LEKR1: variants seen among roughly 807,000 people sequenced by gnomAD.
LEKR1 encodes the protein leucine, glutamate and lysine rich 1, also known as protein LEKR1.
In LEKR1, 59 loss-of-function variants were observed where a neutral mutation model predicts 72.4. The observed-to-expected ratio is 0.82, with a 90% CI of 0.66 to 1.01. The LOEUF (loss-of-function observed/expected upper bound fraction) is 1.01. Among genes scored for constraint, LEKR1 ranks in the 50% least tolerant of loss-of-function variants. LEKR1 has a pLI of 0.00. For missense variants in LEKR1, 728 were observed against 759.2 expected (o/e 0.96, Z 0.48); for synonymous variants, 257 against 263.2 (o/e 0.98, Z 0.23).
chr3:157,038,665 CTAAA>C (rs1735133053), intron 12 of LEKR1, among the ~76,000 whole-genome samples: 1 of 152,144 alleles, frequency 6.6e-6, no homozygotes, highest in African/African-American at 2.4e-5. Flanking sequence ...ATCAAGGACT[CTAAA>C]GAAAGACTGT....
chr3:156,862,215 A>G (rs1716844838), intron 3 of LEKR1, among the ~76,000 whole-genome samples: 1 of 151,982 alleles, frequency 6.6e-6, no homozygotes, highest in Admixed American at 6.6e-5. Flanking sequence ...TGTCTTTTTA[A>G]GGCATTCTTT....
chr3:156,979,118 G>T, intron 6 of LEKR1, 76 bp from the exon 7 acceptor site: 1 of 647,306 alleles, frequency 1.5e-6, no homozygotes, highest in South Asian at 1.5e-5. Flanking sequence ...AGCAACAAAA[G>T]AATATGGTTT....
intron 12 of LEKR1, 45 bp from the exon 13 acceptor site, chr3:157,045,295 T>C (rs1437898744): frequency 6.7e-7 from 1 of 1,502,256 alleles, no homozygotes; most frequent in East Asian, 2.3e-5. Context: ...CTTATGTACA[T>C]TGTTTAAAGC....
intron 9 of LEKR1, among the ~76,000 whole-genome samples, chr3:157,003,023 T>C (rs1249184217): frequency 2.6e-5 from 4 of 152,202 alleles, no homozygotes; most frequent in African/African-American, 9.6e-5. Flanking sequence ...AAATATTCAG[T>C]ACCATCTACT....
At chr3:156,942,457 CT>C (rs1726295656) in intron 5 of LEKR1, 71 bp from the exon 6 acceptor site, 2 of 460,322 alleles carry the variant, frequency 4.3e-6, no homozygotes, top group South Asian at 4.3e-5. Flanking sequence ...CTAAAAGAAA[CT>C]AATCAATCTT....
chr3:156,982,856 TA>T (rs776423996), intron 7 of LEKR1, among the ~76,000 whole-genome samples: 3,964 of 40,506 alleles, frequency 0.098, 52 homozygotes, highest in Non-Finnish European at 0.12. Flanking sequence ...TGTGTGTGTG[TA>T]GATAGATAGA....
chr3:156,863,089 T>G (rs1204590295), intron 3 of LEKR1, among the ~76,000 whole-genome samples: 1 of 152,084 alleles, frequency 6.6e-6, no homozygotes, highest in Non-Finnish European at 1.5e-5. Flanking sequence ...CTCATAGCCT[T>G]TTTGTAGGAG....
At chr3:156,869,569 GT>G (rs573746949) in intron 3 of LEKR1, among the ~76,000 whole-genome samples, 15 of 150,252 alleles carry the variant, frequency 1.0e-4, no homozygotes, top group African/African-American at 1.7e-4. Context: ...ACTGCTAAGG[GT>G]TTTTTTTTCT....
chr3:156,899,309 C>T (rs1006470412), intron 3 of LEKR1, among the ~76,000 whole-genome samples: 1 of 143,238 alleles, frequency 7.0e-6, no homozygotes, highest in African/African-American at 2.6e-5. Flanking sequence ...TATATACATA[C>T]ACACATGTAT....
chr3:156,937,453 CA>C (rs1403314190), intron 5 of LEKR1, among the ~76,000 whole-genome samples: 1 of 152,038 alleles, frequency 6.6e-6, no homozygotes, highest in East Asian at 1.9e-4. Context: ...GAGCAAAATG[CA>C]AAACCACAAT....
chr3:156,894,520 T>A (rs1720984789), intron 3 of LEKR1, among the ~76,000 whole-genome samples: 1 of 152,184 alleles, frequency 6.6e-6, no homozygotes, highest in Non-Finnish European at 1.5e-5. Context: ...GTGATATTTT[T>A]CATAGAATTA....
At chr3:156,968,096 G>A (rs1728799777) in intron 6 of LEKR1, among the ~76,000 whole-genome samples, 1 of 152,054 alleles carries the variant, frequency 6.6e-6, no homozygotes, top group Admixed American at 6.5e-5. Context: ...GTCACCACCA[G>A]GCCTGCCCTA....
chr3:157,036,807 A>T (rs1191685560), intron 12 of LEKR1, among the ~76,000 whole-genome samples: 1 of 152,136 alleles, frequency 6.6e-6, no homozygotes, highest in African/African-American at 2.4e-5. Flanking sequence ...GTCTCCAAGA[A>T]CAAAGAGAAG....
intron 5 of LEKR1, among the ~76,000 whole-genome samples, chr3:156,936,489 A>G (rs1396143054): frequency 6.7e-6 from 1 of 149,440 alleles, no homozygotes; most frequent in Non-Finnish European, 1.5e-5. Flanking sequence ...TAGCAGAATA[A>G]GGAAGCAAGA....
chr3:156,997,880 A>G (rs1345383460), intron 9 of LEKR1, among the ~76,000 whole-genome samples: 1 of 152,244 alleles, frequency 6.6e-6, no homozygotes, highest in Non-Finnish European at 1.5e-5. Flanking sequence ...GGGCATTGCT[A>G]TCTTCCCCAC....
At chr3:156,847,085 G>A (rs1337696810) in intron 2 of LEKR1, among the ~76,000 whole-genome samples, 1 of 152,172 alleles carries the variant, frequency 6.6e-6, no homozygotes, top group Non-Finnish European at 1.5e-5. Flanking sequence ...TGGGATCACA[G>A]GTGTAAGCTA....
At chr3:156,875,851 T>C (rs1270262400) in intron 3 of LEKR1, among the ~76,000 whole-genome samples, 1 of 151,474 alleles carries the variant, frequency 6.6e-6, no homozygotes, top group Non-Finnish European at 1.5e-5. Flanking sequence ...AAAAATTAGC[T>C]GGGTAAGGTG....
At chr3:156,834,288 A>ATCT (rs1453665123) in intron 2 of LEKR1, among the ~76,000 whole-genome samples, 1 of 152,182 alleles carries the variant, frequency 6.6e-6, no homozygotes, top group Non-Finnish European at 1.5e-5. Flanking sequence ...GAAAAACTAA[A>ATCT]TAATCCCGTT....
At chr3:156,979,051 A>G (rs1576937510) in intron 6 of LEKR1, 143 bp from the exon 7 acceptor site, 4 of 374,474 alleles carry the variant, frequency 1.1e-5, no homozygotes, top group East Asian at 7.4e-5. Flanking sequence ...GATAAGTTGC[A>G]TATGGACATA....
Sources: allele counts gnomAD v4.1 joint callset (sites outside exome capture counted in the v4.1 genomes callset), GRCh38; gene constraint gnomAD v4.1.1; transcripts MANE v1.5; gene names NCBI Gene and HGNC (gene_info 2026-07-23, HGNC 2026-07-21).